Variants in KHDRBS2 observed in about 807,000 individuals in gnomAD.
KHDRBS2 encodes the protein KH RNA binding domain containing, signal transduction associated 2.
In KHDRBS2, 26 loss-of-function variants were observed where a neutral mutation model predicts 44.3. The observed-to-expected ratio is 0.59, with a 90% CI of 0.43 to 0.81. KHDRBS2 has a LOEUF of 0.81. Among genes scored for constraint, KHDRBS2 ranks in the 40% least tolerant of loss-of-function variants. KHDRBS2 has a pLI of 0.00. For missense variants in KHDRBS2, 476 were observed against 433.1 expected, an observed-to-expected ratio of 1.10 and a Z score of -0.88; for synonymous variants, 194 against 151.1, an observed-to-expected ratio of 1.28 and a Z score of -2.08.
chr6:61,924,611 G>T (rs1436961342), intron 4 of KHDRBS2, among the ~76,000 whole-genome samples: 1 of 151,058 alleles, frequency 6.6e-6, no homozygotes, highest in African/African-American at 2.4e-5. Context: ...TTTTATCATT[G>T]TATAGATAAT....
chr6:62,162,808 G>T (rs1239119969), intron 2 of KHDRBS2, among the ~76,000 whole-genome samples: 1 of 152,044 alleles, frequency 6.6e-6, no homozygotes, highest in Non-Finnish European at 1.5e-5. Context: ...TGGATAGAAT[G>T]TGCAGGAGAA....
At chr6:61,646,588 C>A in the KHDRBS2 span, among the ~76,000 whole-genome samples, 1 of 152,070 alleles carries the variant, frequency 6.6e-6, no homozygotes, top group African/African-American at 2.4e-5. Context: ...ATCCTGGTTT[C>A]TTGAACTTAT....
chr6:62,097,377 CTAA>C (rs1474726833), intron 2 of KHDRBS2, among the ~76,000 whole-genome samples: 7 of 151,964 alleles, frequency 4.6e-5, no homozygotes, highest in African/African-American at 1.7e-4. Flanking sequence ...CTCTTTAAGT[CTAA>C]TAATATTTGT....
intron 2 of KHDRBS2, among the ~76,000 whole-genome samples, chr6:62,093,131 T>C (rs1799789030): frequency 2.0e-5 from 3 of 151,268 alleles, no homozygotes; most frequent in Non-Finnish European, 4.4e-5. Flanking sequence ...AGGCATAAAC[T>C]CATTAAAAAT....
chr6:61,955,007 T>C (rs1321138335), intron 4 of KHDRBS2, among the ~76,000 whole-genome samples: 7 of 143,388 alleles, frequency 4.9e-5, no homozygotes, highest in African/African-American at 1.5e-4. Context: ...GACATACATA[T>C]GTATGTATAC....
At chr6:61,891,568 T>A (rs1178915681) in intron 6 of KHDRBS2, among the ~76,000 whole-genome samples, 1 of 151,816 alleles carries the variant, frequency 6.6e-6, no homozygotes, top group Non-Finnish European at 1.5e-5. Flanking sequence ...GGTCCTGGAC[T>A]GTTTTTGGGA....
chr6:61,765,862 T>C (rs113935341), intron 6 of KHDRBS2, among the ~76,000 whole-genome samples: 5 of 152,302 alleles, frequency 3.3e-5, no homozygotes, highest in African/African-American at 1.2e-4. Flanking sequence ...CTTTTTAGTA[T>C]GTCTTTGAAT....
chr6:62,066,016 T>C (rs1184350708), intron 2 of KHDRBS2, among the ~76,000 whole-genome samples: 1 of 151,672 alleles, frequency 6.6e-6, no homozygotes, highest in Non-Finnish European at 1.5e-5. Context: ...ATGTTTTTCA[T>C]CCTGTGTGGA....
chr6:61,581,609 A>C, the KHDRBS2 span, among the ~76,000 whole-genome samples: 1 of 148,004 alleles, frequency 6.8e-6, no homozygotes, highest in Non-Finnish European at 1.5e-5. Context: ...ATACAATATA[A>C]TATATAATAT....
intron 2 of KHDRBS2, among the ~76,000 whole-genome samples, chr6:62,096,078 T>C (rs1179414854): frequency 6.6e-6 from 1 of 152,038 alleles, no homozygotes; most frequent in African/African-American, 2.4e-5. Flanking sequence ...CATTTGATCA[T>C]GATGAATAAT....
intron 6 of KHDRBS2, among the ~76,000 whole-genome samples, chr6:61,836,324 G>T (rs1227721166): frequency 6.6e-6 from 1 of 151,938 alleles, no homozygotes; most frequent in East Asian, 1.9e-4. Context: ...AACACACGCA[G>T]GTTTCCCTTA....
chr6:61,734,798 C>T (rs1178897721), intron 6 of KHDRBS2, among the ~76,000 whole-genome samples: 1 of 152,072 alleles, frequency 6.6e-6, no homozygotes, highest in African/African-American at 2.4e-5. Context: ...TCCCAATGGT[C>T]ATATTAAACT....
chr6:61,902,063 C>A (rs1381176149), intron 4 of KHDRBS2, among the ~76,000 whole-genome samples: 4 of 152,186 alleles, frequency 2.6e-5, no homozygotes, highest in Admixed American at 2.0e-4. Context: ...TAAAGCAATT[C>A]TCCTATCTCA....
At chr6:62,107,778 G>A (rs1215289751) in intron 2 of KHDRBS2, among the ~76,000 whole-genome samples, 1 of 152,126 alleles carries the variant, frequency 6.6e-6, no homozygotes, top group African/African-American at 2.4e-5. Flanking sequence ...AGAGCTCTCA[G>A]AAATAATGCC....
At chr6:61,649,328 AT>A in the KHDRBS2 span, among the ~76,000 whole-genome samples, 2 of 152,194 alleles carry the variant, frequency 1.3e-5, no homozygotes, top group Admixed American at 6.6e-5. Flanking sequence ...AAACAGCCAG[AT>A]TTTAAATGGC....
At chr6:62,014,687 T>C (rs1352716389) in intron 3 of KHDRBS2, among the ~76,000 whole-genome samples, 1 of 152,178 alleles carries the variant, frequency 6.6e-6, no homozygotes, top group Non-Finnish European at 1.5e-5. Context: ...ATAATTTCTC[T>C]TAAATAATAT....
At chr6:62,194,546 G>A (rs956282359) in intron 1 of KHDRBS2, among the ~76,000 whole-genome samples, 2 of 115,328 alleles carry the variant, frequency 1.7e-5, no homozygotes, top group African/African-American at 6.8e-5. Context: ...TGTTGCCCAG[G>A]CTGGAGTAGA....
chr6:61,707,232 G>T (rs1284885340), intron 7 of KHDRBS2, among the ~76,000 whole-genome samples: 4 of 151,710 alleles, frequency 2.6e-5, no homozygotes, highest in Admixed American at 2.0e-4. Flanking sequence ...CAGGGCAGAG[G>T]AAGCAAGAGA....
intron 6 of KHDRBS2, among the ~76,000 whole-genome samples, chr6:61,870,442 G>C (rs1394761380): frequency 1.3e-5 from 2 of 152,152 alleles, no homozygotes; most frequent in South Asian, 4.1e-4. Context: ...AGCACCTGGG[G>C]GAAGGAGCGG....
Sources: gnomAD v4.1 joint callset for allele counts (sites outside exome capture counted in the v4.1 genomes callset) on GRCh38, gnomAD v4.1.1 for gene constraint, MANE v1.5 for transcripts, NCBI Gene and HGNC (gene_info 2026-07-23, HGNC 2026-07-21) for gene names.